MCPH1: variants seen among roughly 807,000 people sequenced by gnomAD.
The protein encoded by MCPH1 is microcephalin.
A neutral mutation model predicts 84.5 loss-of-function variants in MCPH1; 104 were observed. The ratio of observed to expected loss-of-function variants is 1.23; its 90% CI spans 1.05 to 1.45. The LOEUF (loss-of-function observed/expected upper bound fraction) is 1.45, where lower values mean the gene tolerates loss of function less well. Ranked by LOEUF, MCPH1 falls within the 40% of genes most tolerant of loss-of-function variation. MCPH1 has a pLI of 0.00. For synonymous variants in MCPH1, 514 were observed against 366.8 expected (o/e 1.40, Z -4.58); for missense variants, 1,498 against 1,005.7 (o/e 1.49, Z -6.62).
chr8:6,525,100 A>C (rs1311909422), intron 12 of MCPH1, among the ~76,000 whole-genome samples: 1 of 152,176 alleles, frequency 6.6e-6, no homozygotes, highest in East Asian at 1.9e-4. Context: ...TGACAGTAAC[A>C]TTTTCTGACT....
chr8:6,471,079 C>G lies in MCPH1; in HGVS notation c.1936-6515C>G, dbSNP rs550892245. Among the ~76,000 whole-genome samples the G allele has an allele frequency of 1.7e-3, 263 of 152,266 alleles. 1 individual carries two copies. Among genetic ancestry groups the G allele is most frequent in the African/African-American group, 6.1e-3 (254 of 41,538 alleles). On this transcript the variant is annotated intron_variant, in intron 9 of 13. Transcript: ENST00000344683. Reference sequence around the variant, plus strand: ...AGTGCCTATAAATTTGGGGGAATGCCTTTTTTGGGGGGTGACCAACATACT... The same window carrying G: ...AGTGCCTATAAATTTGGGGGAATGCGTTTTTTGGGGGGTGACCAACATACT...
rs1287010719 is a variant in MCPH1, at chr8:6,644,861, G to C, written c.*1812G>C. 2.0e-5 allele frequency: 3 copies of C among 152,162 alleles called. No homozygotes were observed. Among genetic ancestry groups the C allele is most frequent in the Non-Finnish European group, 2.9e-5 (2 of 68,032 alleles). The allele number at this position is 152,162 out of a possible 1,614,324, so 9.4% of individuals were successfully genotyped here. A position where few individuals can be genotyped will look rare whatever the true frequency, so the allele number is the denominator to read the frequency against. ...GGTAGCAGTGCATTGTATAGGAATT[G>C]GCATTCTATAGAAAACCACAGAAAC... On this transcript the variant is annotated 3_prime_UTR_variant, in exon 14 of 14. Transcript: ENST00000344683.
At chr8:6,492,387 G>A (rs936014827) in intron 11 of MCPH1, among the ~76,000 whole-genome samples, 30 of 151,946 alleles carry the variant, frequency 2.0e-4, no homozygotes, top group Middle Eastern at 3.4e-3. Flanking sequence ...TTTGTCAGAT[G>A]AGTAGATTGC....
At chr8:6,447,271 A>G in intron 8 of MCPH1, 2 of 985,400 alleles carry the variant, frequency 2.0e-6, no homozygotes, top group Non-Finnish European at 2.4e-6. Context: ...TAGAAGATGA[A>G]ACCATAAAGC....
chr8:6,557,357 G>A (rs1824797315), intron 12 of MCPH1, among the ~76,000 whole-genome samples: 1 of 152,166 alleles, frequency 6.6e-6, no homozygotes. Flanking sequence ...TATTCTCGGG[G>A]CAAAATGAGG....
chr8:6,554,472 C>G (rs571529644), intron 12 of MCPH1, among the ~76,000 whole-genome samples: 1 of 152,196 alleles, frequency 6.6e-6, no homozygotes, highest in East Asian at 1.9e-4. Context: ...CCCAAGATTT[C>G]TATATCTTAG....
rs746101185 is a variant in MCPH1 at position 6,444,405 on chromosome 8, C to T, written c.683C>T (p.Ala228Val). 3 of 1,614,104 alleles carry T rather than the reference C, an allele frequency of 1.9e-6. No individual in the cohort carries two copies. The highest frequency in any genetic ancestry group is 2.5e-6 in the Non-Finnish European group (3 of 1,180,006). ...RDTLCSDEYF[A>V]GGLHSSFDDL... is the part of the protein sequence containing the mutation. Reference sequence around the variant, plus strand: ...TAATGTTTTCCAGATGAATACTTTGCTGGTGGCTTACACTCATCTTTTGAT... The same window carrying T: ...TAATGTTTTCCAGATGAATACTTTGTTGGTGGCTTACACTCATCTTTTGAT... The change falls in exon 8 of 14, where the codon GCT becomes GTT. Residue 228 changes from alanine (A) to valine (V), a missense_variant. Coordinates refer to ENST00000344683, the MANE Select transcript of MCPH1 (RefSeq NM_024596.5).
At chr8:6,584,836 A>C (rs946945268) in intron 12 of MCPH1, among the ~76,000 whole-genome samples, 2 of 152,220 alleles carry the variant, frequency 1.3e-5, no homozygotes, top group Non-Finnish European at 2.9e-5. Flanking sequence ...AGGTTTGGTC[A>C]AACTGTGTCC....
At chr8:6,475,680 C>G (rs1019462049) in intron 9 of MCPH1, among the ~76,000 whole-genome samples, 4 of 152,218 alleles carry the variant, frequency 2.6e-5, no homozygotes, top group African/African-American at 9.6e-5. Context: ...AGGCATAGAG[C>G]AAGAGAGAGT....
chr8:6,410,697 T>G (rs919309171), intron 2 of MCPH1, among the ~76,000 whole-genome samples: 3 of 151,986 alleles, frequency 2.0e-5, no homozygotes, highest in African/African-American at 7.3e-5. Flanking sequence ...GGCAGAAGAG[T>G]ACTCACATCT....
chr8:6,590,018 C>T lies in MCPH1; in HGVS notation c.2215-31436C>T, dbSNP rs546487535. Reference sequence around the variant, plus strand: ...TCCCCGAAACGATCTTGCTGTGTTGCATTTCAAATGGTACCTTCATTTTGA... The same window carrying T: ...TCCCCGAAACGATCTTGCTGTGTTGTATTTCAAATGGTACCTTCATTTTGA... On this transcript the variant is annotated intron_variant, in intron 12 of 13. Coordinates refer to ENST00000344683, the MANE Select transcript of MCPH1 (RefSeq NM_024596.5). 3.9e-5 allele frequency among the ~76,000 whole-genome samples: 6 copies of T among 152,274 alleles called. No homozygotes were observed. The East Asian group carries it at 1.2e-3, about 29-fold the overall frequency.
chr8:6,501,863 C>G (rs1313777839), intron 12 of MCPH1: 1 of 151,266 alleles, frequency 6.6e-6, no homozygotes, highest in Non-Finnish European at 1.5e-5. Context: ...GCCCTGTGTT[C>G]TCAAATTTTT....
chr8:6,447,193 A>T, intron 8 of MCPH1: 1 of 985,388 alleles, frequency 1.0e-6, no homozygotes. Flanking sequence ...AGATTCATCA[A>T]TGTTTTAAAC....
At chr8:6,420,543 A>G (rs918840319) in intron 3 of MCPH1, among the ~76,000 whole-genome samples, 2 of 151,934 alleles carry the variant, frequency 1.3e-5, no homozygotes, top group African/African-American at 4.8e-5. Context: ...CGGGGAGGGA[A>G]TGGGGTAAGA....
rs1804215000 is a variant in MCPH1 at position 6,445,527 on chromosome 8, T to TA, written c.1806dup (p.Pro603ThrfsTer9). On this transcript the variant is annotated frameshift_variant, in exon 8 of 14. Coordinates refer to ENST00000344683, the MANE Select transcript of MCPH1 (RefSeq NM_024596.5). LOFTEE classifies it high-confidence loss of function. ...ACGTCTACAGAAGAGAAGGAAAACT[T>TA]ACCCGGAGGATACAGTGGAAGTATG... is the stretch of plus-strand genomic sequence containing the variant. 6.2e-7 allele frequency: 1 copy of TA among 1,605,348 alleles called. No individual in the cohort carries two copies. The highest frequency in any genetic ancestry group is 8.5e-7 in the Non-Finnish European group (1 of 1,176,812).
intron 12 of MCPH1, among the ~76,000 whole-genome samples, chr8:6,516,058 G>A (rs915162578): frequency 6.6e-6 from 1 of 152,134 alleles, no homozygotes; most frequent in Non-Finnish European, 1.5e-5. Context: ...TCTCCAGGAA[G>A]GTCACCCAGC....
At chr8:6,632,197 AATT>A (rs1161222765) in intron 13 of MCPH1, among the ~76,000 whole-genome samples, 2 of 152,210 alleles carry the variant, frequency 1.3e-5, no homozygotes, top group Non-Finnish European at 2.9e-5. Context: ...GGGAGTGGAG[AATT>A]ATTGTTTAAT....
At chr8:6,429,528 CT>C (rs112056239) in intron 3 of MCPH1, among the ~76,000 whole-genome samples, 76 of 146,478 alleles carry the variant, frequency 5.2e-4, no homozygotes, top group South Asian at 4.3e-4. Flanking sequence ...TTGGGTTTCC[CT>C]TTTTTTTTTT....
chr8:6,508,528 T>A (rs1814258609), intron 12 of MCPH1: 1 of 258,346 alleles, frequency 3.9e-6, no homozygotes, highest in Admixed American at 5.3e-5. Context: ...AACATTAAAT[T>A]ATTAGTTGGA....
Sources: gnomAD v4.1 joint callset for allele counts (sites outside exome capture counted in the v4.1 genomes callset) on GRCh38, gnomAD v4.1.1 for gene constraint, MANE v1.5 for transcripts, NCBI Gene and HGNC (gene_info 2026-07-23, HGNC 2026-07-21) for gene names.